The following HMGCLL1 variants were observed in gnomAD, a reference collection of about 807,000 sequenced individuals.
The protein encoded by HMGCLL1 is 3-hydroxymethyl-3-methylglutaryl-CoA lyase, cytoplasmic.
A neutral mutation model predicts 39.1 loss-of-function variants in HMGCLL1; 36 were observed. That is an observed-to-expected ratio of 0.92 (90% CI 0.71 to 1.22). The LOEUF is 1.22. Among genes scored for constraint, HMGCLL1 ranks in the 50% most tolerant of loss-of-function variants. HMGCLL1 has a pLI of 0.00. For missense variants in HMGCLL1, 451 were observed against 416.5 expected, an observed-to-expected ratio of 1.08 and a Z score of -0.72; for synonymous variants, 149 against 144.0, an observed-to-expected ratio of 1.03 and a Z score of -0.25.
At chr6:55,623,641 T>A in the HMGCLL1 span, among the ~76,000 whole-genome samples, 6 of 149,436 alleles carry the variant, frequency 4.0e-5, no homozygotes, top group East Asian at 7.8e-4. Flanking sequence ...CATATATACA[T>A]ATATACACAA....
At chr6:55,450,396 G>A (rs1174902148) in intron 7 of HMGCLL1, among the ~76,000 whole-genome samples, 4 of 152,166 alleles carry the variant, frequency 2.6e-5, no homozygotes, top group Non-Finnish European at 5.9e-5. Context: ...AACCTGTTGT[G>A]CCATTTTAAC....
the HMGCLL1 span, among the ~76,000 whole-genome samples, chr6:55,605,875 G>A: frequency 0.017 from 2,604 of 152,144 alleles, 86 homozygotes; most frequent in African/African-American, 0.06. Context: ...AGACCTTAGG[G>A]CCATTTTAAT....
chr6:55,452,452 T>C (rs1432815835), intron 7 of HMGCLL1, among the ~76,000 whole-genome samples: 1 of 152,178 alleles, frequency 6.6e-6, no homozygotes, highest in Non-Finnish European at 1.5e-5. Flanking sequence ...AAGTGAAGCA[T>C]AGGTGAATCA....
intron 1 of HMGCLL1, among the ~76,000 whole-genome samples, chr6:55,567,257 ACC>A (rs1332738238): frequency 1.3e-5 from 2 of 150,644 alleles, no homozygotes; most frequent in Non-Finnish European, 3.0e-5. Flanking sequence ...AAGTGAGTGA[ACC>A]TCCAAACTCA....
chr6:55,499,851 G>T lies in HMGCLL1; in HGVS notation c.543-552C>A, dbSNP rs530672170. Among the ~76,000 whole-genome samples, 3 of 152,030 alleles carry T rather than the reference G, an allele frequency of 2.0e-5. No individual in the cohort carries two copies. The South Asian group carries it at 6.2e-4, about 32-fold the overall frequency. On this transcript the variant is annotated intron_variant, in intron 5 of 8. Transcript: ENST00000274901. ...TTTACCTAAATCATTCCAAACAGAA[G>T]AGTGTCTAGTGTGTTTAGAAGGCTT...
intron 1 of HMGCLL1, chr6:55,577,080 A>C: frequency 1.2e-6 from 2 of 1,613,806 alleles, no homozygotes; most frequent in South Asian, 2.2e-5. Context: ...ATATTTACCC[A>C]GTGGATACAA....
At chr6:55,542,366 CA>C (rs1769491120) in intron 1 of HMGCLL1, among the ~76,000 whole-genome samples, 1 of 151,930 alleles carries the variant, frequency 6.6e-6, no homozygotes, top group Non-Finnish European at 1.5e-5. Flanking sequence ...GATTAAAATT[CA>C]AAAGATTAAT....
intron 6 of HMGCLL1, among the ~76,000 whole-genome samples, chr6:55,496,246 T>C (rs1766570653): frequency 6.6e-6 from 1 of 152,168 alleles, no homozygotes; most frequent in East Asian, 1.9e-4. Context: ...GTCATGACTA[T>C]ATAAAATATG....
chr6:55,597,810 T>G, the HMGCLL1 span, among the ~76,000 whole-genome samples: 1 of 152,114 alleles, frequency 6.6e-6, no homozygotes, highest in Non-Finnish European at 1.5e-5. Context: ...CAAAAGTAAA[T>G]CACTTTAAAC....
At chr6:55,627,913 A>AG in the HMGCLL1 span, among the ~76,000 whole-genome samples, 2 of 1,176 alleles carry the variant, frequency 1.7e-3, no homozygotes, top group African/African-American at 2.8e-3. Flanking sequence ...TATATACTAT[A>AG]TATATATAAT....
At chr6:55,501,625 G>T (rs538473068) in intron 5 of HMGCLL1, among the ~76,000 whole-genome samples, 2 of 151,896 alleles carry the variant, frequency 1.3e-5, no homozygotes, top group South Asian at 2.1e-4. Context: ...CTCAACCTTG[G>T]CTGCACAGAA....
At chr6:55,441,969 T>C (rs1763617613) in intron 7 of HMGCLL1, among the ~76,000 whole-genome samples, 1 of 152,038 alleles carries the variant, frequency 6.6e-6, no homozygotes, top group East Asian at 1.9e-4. Context: ...CGTCATGTAT[T>C]TTGTACATTG....
At chr6:55,487,164 T>G (rs1202962968) in intron 7 of HMGCLL1, among the ~76,000 whole-genome samples, 6 of 152,098 alleles carry the variant, frequency 3.9e-5, no homozygotes, top group Admixed American at 6.6e-5. Context: ...CAGTGTTCTC[T>G]TTAGTCTCTG....
intron 3 of HMGCLL1, among the ~76,000 whole-genome samples, chr6:55,523,773 T>C (rs1038453214): frequency 2.6e-4 from 39 of 151,848 alleles, no homozygotes; most frequent in Non-Finnish European, 2.1e-4. Flanking sequence ...AGTATGTAAA[T>C]AGTTAAGGAG....
chr6:55,650,711 A>G, the HMGCLL1 span, among the ~76,000 whole-genome samples: 2 of 151,930 alleles, frequency 1.3e-5, no homozygotes, highest in Admixed American at 6.6e-5. Context: ...AATTTATCTG[A>G]TGTTCTATTC....
chr6:55,487,226 TTTTA>T (rs1766077979), intron 7 of HMGCLL1, among the ~76,000 whole-genome samples: 1 of 152,078 alleles, frequency 6.6e-6, no homozygotes, highest in African/African-American at 2.4e-5. Context: ...TTTGTGTGCC[TTTTA>T]TTTATTTTTA....
chr6:55,537,289 CTT>C (rs1007828828), intron 3 of HMGCLL1, among the ~76,000 whole-genome samples: 9 of 152,076 alleles, frequency 5.9e-5, no homozygotes, highest in African/African-American at 2.2e-4. Context: ...AATTTCCTGT[CTT>C]GGATTCAGGC....
chr6:55,539,277 T>C (rs1003365613), intron 3 of HMGCLL1, among the ~76,000 whole-genome samples: 10 of 152,116 alleles, frequency 6.6e-5, no homozygotes, highest in African/African-American at 2.4e-4. Context: ...TTAAAGAACT[T>C]AGAATGTGAC....
chr6:55,664,973 CTCTT>C, the HMGCLL1 span, among the ~76,000 whole-genome samples: 1 of 151,602 alleles, frequency 6.6e-6, no homozygotes, highest in African/African-American at 2.4e-5. Flanking sequence ...AATTCATGGT[CTCTT>C]TATGAACCAA....
Sources: allele counts gnomAD v4.1 joint callset (sites outside exome capture counted in the v4.1 genomes callset), GRCh38; gene constraint gnomAD v4.1.1; transcripts MANE v1.5; gene names NCBI Gene and HGNC (gene_info 2026-07-23, HGNC 2026-07-21).